The following TPRG1L variants were observed in gnomAD, a reference collection of about 807,000 sequenced individuals.
TPRG1L encodes the protein tumor protein p63-regulated gene 1-like protein.
Under a neutral mutation model 29.4 loss-of-function variants are expected in TPRG1L, and 25 were observed. That is an observed-to-expected ratio of 0.85 (90% CI 0.62 to 1.19). The LOEUF (loss-of-function observed/expected upper bound fraction) is 1.19, where lower values mean the gene tolerates loss of function less well. Ranked by LOEUF, TPRG1L falls within the 50% of genes most tolerant of loss-of-function variation. The pLI is 0.00. For missense variants in TPRG1L, 354 were observed against 364.4 expected (o/e 0.97, Z 0.23); for synonymous variants, 182 against 151.1 (o/e 1.20, Z -1.50).
chr1:3,627,426 T>A, intron 3 of TPRG1L, 74 bp from the exon 4 acceptor site: 1 of 1,560,282 alleles, frequency 6.4e-7, no homozygotes, highest in Non-Finnish European at 8.8e-7. Flanking sequence ...TCCTAACTGA[T>A]GAGACTGTCA....
chr1:3,626,994 G>A (rs1015660168), intron 3 of TPRG1L, among the ~76,000 whole-genome samples: 1 of 152,186 alleles, frequency 6.6e-6, no homozygotes, highest in Non-Finnish European at 1.5e-5. Context: ...GCAATTGTTA[G>A]TGGAGATTGA....
At position 3,630,097 on chromosome 1, in the gene TPRG1L, A is replaced by T. The variant is rs1371700182; in HGVS notation, c.*1494A>T. ...GTGGATGGATGTTGTTCCTTTTTTGAAGTTGTCATTAAAGTAGGTGCAACA... is the reference window on the plus strand; with the variant it reads ...GTGGATGGATGTTGTTCCTTTTTTGTAGTTGTCATTAAAGTAGGTGCAACA... On this transcript the variant is annotated 3_prime_UTR_variant, in exon 5 of 5. Coordinates refer to ENST00000378344, the MANE Select transcript of TPRG1L (RefSeq NM_182752.4). 6.6e-6 allele frequency: 1 copy of T among 152,076 alleles called. No individual in the cohort carries two copies. Among genetic ancestry groups the T allele is most frequent in the African/African-American group, 2.4e-5 (1 of 41,376 alleles). The allele number at this position is 152,076 out of a possible 1,614,324, so 9.4% of individuals were successfully genotyped here. A position where few individuals can be genotyped will look rare whatever the true frequency, so the allele number is the denominator to read the frequency against.
At position 3,625,060 on chromosome 1, in the gene TPRG1L, A is replaced by T; in HGVS notation, c.-13A>T. ...CGTCGGCGTCAGGGTCGGGGTCGGT[A>T]AGGGGTGCGGCAATGCTGCAACTGC... On this transcript the variant is annotated 5_prime_UTR_variant, in exon 1 of 5. Coordinates refer to ENST00000378344, the MANE Select transcript of TPRG1L (RefSeq NM_182752.4). 5.8e-6 allele frequency: 7 copies of T among 1,197,206 alleles called. No homozygotes were observed. Among genetic ancestry groups the T allele is most frequent in the Non-Finnish European group, 7.3e-6 (7 of 958,816 alleles). The allele number at this position is 1,197,206 out of a possible 1,614,324, so 74.2% of individuals were successfully genotyped here.
chr1:3,628,344 T>C lies in TPRG1L; in HGVS notation c.625-65T>C, dbSNP rs1027421599. ...TTTAAGTGTCTCAGAATGCTAATTT[T>C]TTCAAGTAATAGACATTCTTATCTT... is the stretch of plus-strand genomic sequence containing the variant. On this transcript the variant is annotated intron_variant, in intron 4 of 4. Coordinates refer to ENST00000378344, the MANE Select transcript of TPRG1L (RefSeq NM_182752.4). 2.1e-6 allele frequency: 3 copies of C among 1,418,406 alleles called. No homozygotes were observed. In the African/African-American group the frequency reaches 4.3e-5, roughly 20 times the overall value. 87.9% of individuals were successfully genotyped at this position (1,418,406 alleles called of 1,614,324 possible). A position where few individuals can be genotyped will look rare whatever the true frequency, so the allele number is the denominator to read the frequency against.
chr1:3,625,095 T>C lies in TPRG1L; in HGVS notation c.23T>C (p.Val8Ala). The change falls in exon 1 of 5, where the codon GTG becomes GCG. Residue 8 changes from valine (V) to alanine (A), a missense_variant. Physicochemically the swap from Val to Ala is moderately conservative, Grantham distance 64. Coordinates refer to ENST00000378344, the MANE Select transcript of TPRG1L (RefSeq NM_182752.4). MLQLRDS[V>A]DSAGTSPTAV... ...GCAATGCTGCAACTGCGGGACTCGG[T>C]GGACTCGGCCGGTACGAGCCCCACG... 8.3e-7 allele frequency: 1 copy of C among 1,210,434 alleles called. No homozygotes were observed. The highest frequency in any genetic ancestry group is 1.0e-6 in the Non-Finnish European group (1 of 968,760). The allele number at this position is 1,210,434 out of a possible 1,614,324, so 75.0% of individuals were successfully genotyped here.
chr1:3,625,820 G>A lies in TPRG1L; in HGVS notation c.401G>A (p.Arg134Gln). 2.5e-6 allele frequency: 4 copies of A among 1,613,646 alleles called. No individual in the cohort carries two copies. Among genetic ancestry groups the A allele is most frequent in the Non-Finnish European group, 3.4e-6 (4 of 1,180,034 alleles). Residue 134 changes from arginine to glutamine, a missense_variant, in exon 3 of 5, where the codon CGG (arginine) becomes CAG (glutamine). By Grantham distance (43) the Arg-to-Gln change is conservative. Transcript: ENST00000378344. ...AGTCTCCAGTGCCAGCAGGTGGTGCGGATAGCGCTCAACGCAGTAGACACC... is the reference window on the plus strand; with the variant it reads ...AGTCTCCAGTGCCAGCAGGTGGTGCAGATAGCGCTCAACGCAGTAGACACC... ...FISLQCQQVV[R>Q]IALNAVDTIS... is the part of the protein sequence containing the mutation.
At position 3,628,625 on chromosome 1, in the gene TPRG1L, TCCCCCTTCTGGGAGCTCC is replaced by T. The variant is rs1644505487; in HGVS notation, c.*23_*40del. ...TTAGCCGCTGCGTTCTGGGAGCTCC[TCCCCCTTCTGGGAGCTCC>T]TCCCCCTCCCCAGAAGGCCAAGGGA... On this transcript the variant is annotated 3_prime_UTR_variant, in exon 5 of 5. Transcript: ENST00000378344. The T allele has an allele frequency of 7.1e-5, 3 of 42,388 alleles. No individual in the cohort carries two copies. Among genetic ancestry groups the T allele is most frequent in the Non-Finnish European group, 8.5e-5 (3 of 35,166 alleles). 2.6% of individuals were successfully genotyped at this position (42,388 alleles called of 1,614,324 possible).
Position 3,628,582 on chromosome 1 carries a change from C to G in TPRG1L, c.798C>G (p.Thr266=). The part of the protein sequence containing the change: ...NNEAKLGYSM[T]RGKIGF ...AGGCGAAACTGGGCTACTCCATGAC[C>G]AGGGGCAAAATAGGCTTTTAGCCGC... The change falls in exon 5 of 5, where the codon ACC becomes ACG. Residue 266 remains threonine (T), a synonymous_variant. Coordinates refer to ENST00000378344, the MANE Select transcript of TPRG1L (RefSeq NM_182752.4). 5.0e-6 allele frequency: 8 copies of G among 1,606,486 alleles called. No homozygotes were observed. The highest frequency in any genetic ancestry group is 6.8e-6 in the Non-Finnish European group (8 of 1,174,504).
At chr1:3,625,585 C>T in intron 2 of TPRG1L, 70 bp downstream of exon 2, 1 of 1,565,896 alleles carries the variant, frequency 6.4e-7, no homozygotes, top group Non-Finnish European at 8.7e-7. Context: ...CTTGCGAGGA[C>T]TTCCCGGGGT....
At chr1:3,625,976 G>A (rs181740661) in intron 3 of TPRG1L, 87 bp downstream of exon 3, 21 of 1,282,280 alleles carry the variant, frequency 1.6e-5, no homozygotes, top group African/African-American at 3.0e-5. Context: ...CCCCCCAAGC[G>A]GTGTGTCTTC....
intron 4 of TPRG1L, 54 bp downstream of exon 4, chr1:3,627,707 C>G (rs980381605): frequency 4.2e-5 from 67 of 1,604,074 alleles, no homozygotes; most frequent in Non-Finnish European, 5.2e-5. Context: ...GGAAACACCC[C>G]CCGCAGTCAC....
At position 3,628,429 on chromosome 1, in the gene TPRG1L, G is replaced by C; in HGVS notation, c.645G>C (p.Leu215=). The change falls in exon 5 of 5, where the codon CTG becomes CTC. Residue 215 remains leucine, a synonymous_variant. Coordinates refer to ENST00000378344, the MANE Select transcript of TPRG1L (RefSeq NM_182752.4). The part of the protein sequence containing the change: ...SLCQLESFKA[L]LIQAVKKAQK... ...TAAAGTTGGAAAGCTTCAAGGCTCTGTTAATCCAAGCTGTCAAAAAAGCCC... is the reference window on the plus strand; with the variant it reads ...TAAAGTTGGAAAGCTTCAAGGCTCTCTTAATCCAAGCTGTCAAAAAAGCCC... 1 of 1,609,154 alleles carries C rather than the reference G, an allele frequency of 6.2e-7. No individual in the cohort carries two copies. Among genetic ancestry groups the C allele is most frequent in the Non-Finnish European group, 8.5e-7 (1 of 1,176,594 alleles).
At chr1:3,627,456 G>A in intron 3 of TPRG1L, 44 bp from the exon 4 acceptor site, 6 of 1,610,120 alleles carry the variant, frequency 3.7e-6, no homozygotes, top group Non-Finnish European at 5.1e-6. Context: ...TGAGAGCACT[G>A]TGGCCTGCCA....
Position 3,629,147 on chromosome 1 carries a change from C to T in TPRG1L, c.*544C>T, listed in dbSNP as rs1644508391. On this transcript the variant is annotated 3_prime_UTR_variant, in exon 5 of 5. Transcript: ENST00000378344. ...AGCAGACCGGTTGACTGAGACCGGT[C>T]TGTGGCTGTGGGCCCCTTGGTGACC... is the stretch of plus-strand genomic sequence containing the variant. The T allele has an allele frequency of 6.6e-6, 1 of 152,230 alleles. No homozygotes were observed. The highest frequency in any genetic ancestry group is 1.5e-5 in the Non-Finnish European group (1 of 68,070). The allele number at this position is 152,230 out of a possible 1,614,324, so 9.4% of individuals were successfully genotyped here. A position where few individuals can be genotyped will look rare whatever the true frequency, so the allele number is the denominator to read the frequency against.
Position 3,628,497 on chromosome 1 carries a change from TC to T in TPRG1L, c.715del (p.Leu239TrpfsTer27), listed in dbSNP as rs771400200. 23 of 1,614,006 alleles carry T rather than the reference TC, an allele frequency of 1.4e-5. No individual in the cohort carries two copies. The highest frequency in any genetic ancestry group is 1.9e-5 in the Non-Finnish European group (22 of 1,180,002). On this transcript the variant is annotated frameshift_variant, in exon 5 of 5. Transcript: ENST00000378344. LOFTEE classifies it high-confidence loss of function. ...PLPGQANGVL[I>X]LERPLLIETY... Reference sequence around the variant, plus strand: ...CCAGGACAGGCGAATGGCGTGCTGATCCTGGAGCGCCCCCTGCTCATCGAGA... The same window carrying T: ...CCAGGACAGGCGAATGGCGTGCTGATCTGGAGCGCCCCCTGCTCATCGAGA...
intron 2 of TPRG1L, 27 bp downstream of exon 2, chr1:3,625,542 T>TG (rs3838971): frequency 0.3 from 477,774 of 1,585,074 alleles, 73,310 homozygotes; most frequent in East Asian, 0.33. Context: ...CTCTCCTTGG[T>TG]GGGGGGACTC....
chr1:3,625,138 C>T lies in TPRG1L; in HGVS notation c.66C>T (p.Gly22=). The change falls in exon 1 of 5, where the codon GGC becomes GGT. Residue 22 remains glycine (G), a synonymous_variant. Coordinates refer to ENST00000378344, the MANE Select transcript of TPRG1L (RefSeq NM_182752.4). The part of the protein sequence containing the change: ...GTSPTAVLAA[G]EEVGAGGGPG... Reference sequence around the variant, plus strand: ...GCCCCACGGCGGTGCTGGCGGCCGGCGAGGAGGTGGGGGCAGGCGGCGGCC... The same window carrying T: ...GCCCCACGGCGGTGCTGGCGGCCGGTGAGGAGGTGGGGGCAGGCGGCGGCC... The T allele has an allele frequency of 8.1e-7, 1 of 1,230,056 alleles. No homozygotes were observed. 76.2% of individuals were successfully genotyped at this position (1,230,056 alleles called of 1,614,324 possible).
At position 3,628,763 on chromosome 1, in the gene TPRG1L, C is replaced by T. The variant is rs1378393105; in HGVS notation, c.*160C>T. 1 of 625,880 alleles carries T rather than the reference C, an allele frequency of 1.6e-6. No homozygotes were observed. Among genetic ancestry groups the T allele is most frequent in the African/African-American group, 1.8e-5 (1 of 54,648 alleles). 38.8% of individuals were successfully genotyped at this position (625,880 alleles called of 1,614,324 possible). A position where few individuals can be genotyped will look rare whatever the true frequency, so the allele number is the denominator to read the frequency against. ...TCTTTCACCTTTAGGGATCTCAGCACAATTAGAATCGTAAAGTGAATTCTA... is the reference window on the plus strand; with the variant it reads ...TCTTTCACCTTTAGGGATCTCAGCATAATTAGAATCGTAAAGTGAATTCTA... On this transcript the variant is annotated 3_prime_UTR_variant, in exon 5 of 5. Transcript: ENST00000378344.
rs1404723866 is a variant in TPRG1L, at chr1:3,627,670, A to T, written c.624+17A>T. On this transcript the variant is annotated intron_variant, in intron 4 of 4. Transcript: ENST00000378344. Reference sequence around the variant, plus strand: ...CTGTGTCAGGTAAGAAGACAGGCACATAAATAGCCGCGCCCCCCGCAGTGA... The same window carrying T: ...CTGTGTCAGGTAAGAAGACAGGCACTTAAATAGCCGCGCCCCCCGCAGTGA... 2.5e-6 allele frequency: 4 copies of T among 1,595,206 alleles called. No individual in the cohort carries two copies. Among genetic ancestry groups the T allele is most frequent in the Middle Eastern group, 3.3e-4 (2 of 6,028 alleles).
Sources: allele counts gnomAD v4.1 joint callset (sites outside exome capture counted in the v4.1 genomes callset), GRCh38; gene constraint gnomAD v4.1.1; transcripts MANE v1.5; gene names NCBI Gene and HGNC (gene_info 2026-07-23, HGNC 2026-07-21).